The following EIF2AK2 variants were observed in gnomAD, a reference collection of about 807,000 sequenced individuals.
EIF2AK2 encodes interferon-induced, double-stranded RNA-activated protein kinase.
Under a neutral mutation model 70.5 loss-of-function variants are expected in EIF2AK2, and 40 were observed. The ratio of observed to expected loss-of-function variants is 0.57; its 90% confidence interval spans 0.44 to 0.74. The LOEUF is 0.74. Among genes scored for constraint, EIF2AK2 ranks in the 30% least tolerant of loss-of-function variants. EIF2AK2 has a pLI of 0.00. For synonymous variants in EIF2AK2, 198 were observed against 220.9 expected (o/e 0.90, Z 0.92); for missense variants, 555 against 644.3 (o/e 0.86, Z 1.50).
At chr2:37,128,245 C>T (rs1431375367) in intron 10 of EIF2AK2, among the ~76,000 whole-genome samples, 6 of 152,246 alleles carry the variant, frequency 3.9e-5, no homozygotes, top group African/African-American at 1.2e-4. Context: ...AGGTCTCCAT[C>T]GTTTCAGACA....
Position 37,120,101 on chromosome 2 carries a change from C to A in EIF2AK2, c.1106G>T (p.Cys369Phe). 6.7e-7 allele frequency: 1 copy of A among 1,483,546 alleles called. No homozygotes were observed. The highest frequency in any genetic ancestry group is 1.5e-5 in the South Asian group (1 of 66,620). 91.9% of individuals were successfully genotyped at this position (1,483,546 alleles called of 1,614,324 possible). The change falls in exon 13 of 17, where the codon TGT becomes TTT. Residue 369 changes from cysteine (C) to phenylalanine (F), a missense_variant. By Grantham distance (205) the Cys-to-Phe change is radical. Transcript: ENST00000233057. ...CCATTGTTCCAAGGTCCCTTTATCACAGAATTCCATTTGGATGAAAAGGCA... is the reference window on the plus strand; with the variant it reads ...CCATTGTTCCAAGGTCCCTTTATCAAAGAATTCCATTTGGATGAAAAGGCA... Reference protein sequence around the residue: ...TKCLFIQMEFCDKGTLEQWIE... With the variant: ...TKCLFIQMEFFDKGTLEQWIE...
At chr2:37,111,511 T>A (rs892215936) in intron 14 of EIF2AK2, among the ~76,000 whole-genome samples, 1 of 151,508 alleles carries the variant, frequency 6.6e-6, no homozygotes, top group African/African-American at 2.4e-5. Context: ...GCATGGAATC[T>A]CATTTTAATA....
At chr2:37,123,843 A>G (rs868778142) in intron 11 of EIF2AK2, among the ~76,000 whole-genome samples, 6 of 152,240 alleles carry the variant, frequency 3.9e-5, no homozygotes, top group Non-Finnish European at 8.8e-5. Flanking sequence ...GATTTCAAAG[A>G]TGAGGAAGAA....
At chr2:37,148,516 T>C (rs1272691354) in intron 2 of EIF2AK2, 5 of 643,018 alleles carry the variant, frequency 7.8e-6, no homozygotes, top group East Asian at 6.0e-5. Context: ...AAGGAAAATA[T>C]GCTAGAATCA....
At chr2:37,142,966 C>T (rs1300391664) in intron 4 of EIF2AK2, among the ~76,000 whole-genome samples, 1 of 152,162 alleles carries the variant, frequency 6.6e-6, no homozygotes, top group African/African-American at 2.4e-5. Context: ...CGGTGGCTCA[C>T]ACCTGTAATC....
At chr2:37,136,848 T>C in intron 9 of EIF2AK2, 135 bp downstream of exon 9, 1 of 749,804 alleles carries the variant, frequency 1.3e-6, no homozygotes, top group Non-Finnish European at 2.0e-6. Flanking sequence ...ATTATTTGTT[T>C]ATAGATTTCA....
intron 13 of EIF2AK2, among the ~76,000 whole-genome samples, chr2:37,117,735 G>A (rs1266881879): frequency 1.3e-5 from 2 of 152,130 alleles, no homozygotes. Context: ...AAGCAGCCTT[G>A]CACAAGAAGC....
intron 11 of EIF2AK2, 111 bp from the exon 12 acceptor site, chr2:37,122,775 T>A: frequency 1.5e-6 from 2 of 1,372,166 alleles, no homozygotes; most frequent in Non-Finnish European, 2.0e-6. Flanking sequence ...AAACCATTGC[T>A]GTGGTTCTCA....
Position 37,148,919 on chromosome 2 carries a change from A to G in EIF2AK2, c.-79T>C. ...CACGGAAGTGTGGATGTTGATTCTG[A>G]AGACCGCCAGAGAAGCAAACCTGAG... On this transcript the variant is annotated 5_prime_UTR_variant, in exon 2 of 17. Coordinates refer to ENST00000233057, the MANE Select transcript of EIF2AK2 (RefSeq NM_001135651.3). 3.6e-6 allele frequency: 3 copies of G among 822,680 alleles called. No individual in the cohort carries two copies. The highest frequency in any genetic ancestry group is 6.6e-6 in the Non-Finnish European group (3 of 457,850). The allele number at this position is 822,680 out of a possible 1,614,324, so 51.0% of individuals were successfully genotyped here. A position where few individuals can be genotyped will look rare whatever the true frequency, so the allele number is the denominator to read the frequency against.
At chr2:37,141,333 G>A (rs1411799347) in intron 5 of EIF2AK2, among the ~76,000 whole-genome samples, 1 of 152,130 alleles carries the variant, frequency 6.6e-6, no homozygotes, top group Non-Finnish European at 1.5e-5. Context: ...TGAAATAAAG[G>A]ATTACCCTAA....
intron 1 of EIF2AK2, among the ~76,000 whole-genome samples, chr2:37,155,464 C>T (rs768602751): frequency 1.3e-5 from 2 of 152,128 alleles, no homozygotes; most frequent in African/African-American, 2.4e-5. Context: ...TCTCTCTGTA[C>T]CCACCAATAT....
chr2:37,120,941 G>C (rs1373040052), intron 12 of EIF2AK2, among the ~76,000 whole-genome samples: 2 of 142,922 alleles, frequency 1.4e-5, no homozygotes, highest in Admixed American at 7.4e-5. Flanking sequence ...TCCCGCATGA[G>C]CGATAGAGTA....
At chr2:37,135,417 G>C (rs1675092771) in intron 10 of EIF2AK2, 67 bp downstream of exon 10, 2 of 1,335,444 alleles carry the variant, frequency 1.5e-6, no homozygotes, top group Non-Finnish European at 2.1e-6. Context: ...CCATTTCACA[G>C]ACAACTACCA....
At chr2:37,133,491 C>T (rs1675019882) in intron 10 of EIF2AK2, among the ~76,000 whole-genome samples, 1 of 152,108 alleles carries the variant, frequency 6.6e-6, no homozygotes, top group South Asian at 2.1e-4. Context: ...CCCCTCACAC[C>T]AAAATGGAAG....
intron 12 of EIF2AK2, among the ~76,000 whole-genome samples, chr2:37,120,349 C>T (rs1674494795): frequency 1.3e-5 from 2 of 151,046 alleles, no homozygotes; most frequent in African/African-American, 2.4e-5. Context: ...ACTAAAAATA[C>T]AAAAAATTAG....
In EIF2AK2 at chr2:37,106,512, A is replaced by G. The variant is rs1673969185; in HGVS notation, c.*761T>C. The G allele has an allele frequency of 6.6e-6, 1 of 150,890 alleles. No individual in the cohort carries two copies. The highest frequency in any genetic ancestry group is 1.5e-5 in the Non-Finnish European group (1 of 67,932). The allele number at this position is 150,890 out of a possible 1,614,324, so 9.3% of individuals were successfully genotyped here. ...AGAATTGATAGCTATGTGGGTATAC[A>G]TGGATTCAACTTTACTAGATAATGC... On this transcript the variant is annotated 3_prime_UTR_variant, in exon 17 of 17. Transcript: ENST00000233057.
At chr2:37,126,554 A>G (rs1467376062) in intron 10 of EIF2AK2, 143 bp from the exon 11 acceptor site, 1 of 1,289,582 alleles carries the variant, frequency 7.8e-7, no homozygotes, top group East Asian at 2.6e-5. Flanking sequence ...AGAAAGATCC[A>G]CTTGGCAGAA....
intron 10 of EIF2AK2, among the ~76,000 whole-genome samples, chr2:37,133,023 G>C (rs1675002306): frequency 6.6e-6 from 1 of 152,112 alleles, no homozygotes; most frequent in African/African-American, 2.4e-5. Flanking sequence ...TAATGGTCCT[G>C]AATTCATTTC....
intron 13 of EIF2AK2, among the ~76,000 whole-genome samples, chr2:37,116,729 C>T (rs1225969150): frequency 6.6e-6 from 1 of 152,192 alleles, no homozygotes; most frequent in Non-Finnish European, 1.5e-5. Flanking sequence ...GGAGAGAAAA[C>T]ATTCCTATGC....
Sources: gnomAD v4.1 joint callset for allele counts (sites outside exome capture counted in the v4.1 genomes callset) on GRCh38, gnomAD v4.1.1 for gene constraint, MANE v1.5 for transcripts, NCBI Gene and HGNC (gene_info 2026-07-23, HGNC 2026-07-21) for gene names.